Variants in MAPK8IP3 observed in about 807,000 individuals in gnomAD.
MAPK8IP3 encodes the protein mitogen-activated protein kinase 8 interacting protein 3.
A neutral mutation model predicts 157.8 loss-of-function variants in MAPK8IP3; 49 were observed. That is an observed-to-expected ratio of 0.31 (90% confidence interval 0.25 to 0.39). MAPK8IP3 has a LOEUF of 0.39. Ranked by LOEUF, MAPK8IP3 falls within the 10% of genes least tolerant of loss-of-function variation. The pLI, the probability that MAPK8IP3 is intolerant of heterozygous loss-of-function variation, is 1.00. For missense variants in MAPK8IP3, 1,478 were observed against 1,889.4 expected (o/e 0.78, Z 4.04); for synonymous variants, 897 against 777.7 (o/e 1.15, Z -2.55).
intron 4 of MAPK8IP3, among the ~76,000 whole-genome samples, chr16:1,731,550 A>C (rs979445217): frequency 6.6e-6 from 1 of 152,220 alleles, no homozygotes; most frequent in Admixed American, 6.5e-5. Flanking sequence ...GGTTAGTTCC[A>C]GGGGCTCCAA....
In MAPK8IP3 at chr16:1,706,976, G is replaced by A. The variant is rs1246406073; in HGVS notation, c.318+319G>A. Among the ~76,000 whole-genome samples, 12 of 145,414 alleles carry A rather than the reference G, an allele frequency of 8.3e-5. No homozygotes were observed. The highest frequency in any genetic ancestry group is 2.2e-4 in the South Asian group (1 of 4,606). Reference sequence around the variant, plus strand: ...CCCCCTCCTCCGTGCCCCCAGCCCTGAATCTTCAGCCCCAAACCCGATGTG... The same window carrying A: ...CCCCCTCCTCCGTGCCCCCAGCCCTAAATCTTCAGCCCCAAACCCGATGTG... On this transcript the variant is annotated intron_variant, in intron 1 of 31. Transcript: ENST00000610761. The surrounding 1 kb of genome is among the most constrained non-coding windows in gnomAD (Gnocchi z 5.1).
At chr16:1,728,285 A>G (rs1028638217) in intron 2 of MAPK8IP3, among the ~76,000 whole-genome samples, 4 of 152,188 alleles carry the variant, frequency 2.6e-5, no homozygotes, top group African/African-American at 9.7e-5. Flanking sequence ...CCCAGAAGGC[A>G]CATAGTCATG....
chr16:1,763,000 C>G lies in MAPK8IP3; in HGVS notation c.1892C>G (p.Pro631Arg). Residue 631 changes from proline to arginine, a missense_variant, in exon 16 of 32, where the codon CCT becomes CGT. By Grantham distance (103) the Pro-to-Arg change is moderately radical (BLOSUM62 -2). Coordinates refer to ENST00000610761, the MANE Select transcript of MAPK8IP3 (RefSeq NM_001318852.2). ...SAGSRPLEFF[P>R]DDDCTSSARR... is the part of the protein sequence containing the mutation. Reference sequence around the variant, plus strand: ...GGCAGCCGGCCCCTGGAATTCTTCCCTGACGAGTGAGTGTCCCGCAGCCCC... The same window carrying G: ...GGCAGCCGGCCCCTGGAATTCTTCCGTGACGAGTGAGTGTCCCGCAGCCCC... 6.2e-7 allele frequency: 1 copy of G among 1,612,806 alleles called. No individual in the cohort carries two copies. Among genetic ancestry groups the G allele is most frequent in the Non-Finnish European group, 8.5e-7 (1 of 1,179,948 alleles).
intron 1 of MAPK8IP3, among the ~76,000 whole-genome samples, chr16:1,718,747 C>T (rs997471009): frequency 5.3e-5 from 8 of 150,970 alleles, no homozygotes; most frequent in East Asian, 2.0e-4. Flanking sequence ...GAGCCAAGAT[C>T]GCACCACTGC....
rs9922177 is a variant in MAPK8IP3, at chr16:1,743,492, C to G, written c.747+16C>G. 1.2e-6 allele frequency: 2 copies of G among 1,606,576 alleles called. No individual in the cohort carries two copies. The highest frequency in any genetic ancestry group is 1.7e-6 in the Non-Finnish European group (2 of 1,178,374). ...CAGCTACCAGGTTTTGTAGCCGTGC[C>G]GTGGAGTGAGAGGCTCCTCCCTGTT... On this transcript the variant is annotated intron_variant, in intron 5 of 31. Transcript: ENST00000610761. The surrounding 1 kb of genome is among the most constrained non-coding windows in gnomAD (Gnocchi z 5.6).
chr16:1,743,738 T>G lies in MAPK8IP3; in HGVS notation c.747+262T>G. 7.4e-7 allele frequency: 1 copy of G among 1,360,426 alleles called. No individual in the cohort carries two copies. The highest frequency in any genetic ancestry group is 9.4e-7 in the Non-Finnish European group (1 of 1,063,448). 84.3% of individuals were successfully genotyped at this position (1,360,426 alleles called of 1,614,324 possible). The stretch of plus-strand genomic sequence containing the variant: ...CAGGCTAGACCTCCCTGCCCTTGGA[T>G]AGACCGCTCTGTAGCCAGGGGTGTA... On this transcript the variant is annotated intron_variant, in intron 5 of 31. Coordinates refer to ENST00000610761, the MANE Select transcript of MAPK8IP3 (RefSeq NM_001318852.2). This position sits in a 1 kb window ranked among gnomAD's most constrained non-coding sequence, Gnocchi z 5.6.
rs925569387 is a variant in MAPK8IP3 at position 1,751,124 on chromosome 16, C to T, written c.1216+2404C>T. Among the ~76,000 whole-genome samples, 6 of 152,128 alleles carry T rather than the reference C, an allele frequency of 3.9e-5. No individual in the cohort carries two copies. Among genetic ancestry groups the T allele is most frequent in the African/African-American group, 9.7e-5 (4 of 41,446 alleles). ...CGGCCACCGTCGGTCCTTACTGCAG[C>T]ATCAAGCCGCCCTCCTGCCAGTGTC... On this transcript the variant is annotated intron_variant, in intron 8 of 31. Coordinates refer to ENST00000610761, the MANE Select transcript of MAPK8IP3 (RefSeq NM_001318852.2). This position sits in a 1 kb window ranked among gnomAD's most constrained non-coding sequence, Gnocchi z 5.0.
intron 4 of MAPK8IP3, among the ~76,000 whole-genome samples, chr16:1,736,188 GTCCGTGTGAGCA>G (rs2039783865): frequency 1.6e-5 from 2 of 123,516 alleles, no homozygotes; most frequent in African/African-American, 3.1e-5. Flanking sequence ...GCGTGTGACC[GTCCGTGTGAGCA>G]TGTGTGACCA....
At chr16:1,752,750 TAAAA>T (rs79566771) in intron 8 of MAPK8IP3, among the ~76,000 whole-genome samples, 7 of 134,464 alleles carry the variant, frequency 5.2e-5, no homozygotes, top group Admixed American at 7.6e-5. Context: ...CCCTGTCTCT[TAAAA>T]AAAAAAAAAA....
At chr16:1,718,980 G>A (rs539670362) in intron 1 of MAPK8IP3, among the ~76,000 whole-genome samples, 2 of 152,260 alleles carry the variant, frequency 1.3e-5, no homozygotes, top group Admixed American at 1.3e-4. Context: ...GTGGCAGGAG[G>A]ATTGCTTGAG....
In MAPK8IP3 at chr16:1,743,407, G is replaced by C. The variant is rs747019224; in HGVS notation, c.678G>C (p.Lys226Asn). Residue 226 changes from lysine (K) to asparagine (N), a missense_variant, in exon 5 of 32, where the codon AAG becomes AAC. Physicochemically the swap from Lys to Asn is moderately conservative, Grantham distance 94 (BLOSUM62 0). Coordinates refer to ENST00000610761, the MANE Select transcript of MAPK8IP3 (RefSeq NM_001318852.2). This position sits in a 1 kb window ranked among gnomAD's most constrained non-coding sequence, Gnocchi z 5.6. ...CGGTACGTGCACAGATCGGGGGCAAGCTCGTGCCTGCGGGGGACCACTGGC... is the reference window on the plus strand; with the variant it reads ...CGGTACGTGCACAGATCGGGGGCAACCTCGTGCCTGCGGGGGACCACTGGC... ...DGTVRAQIGG[K>N]LVPAGDHWHL... The C allele has an allele frequency of 1.2e-5, 19 of 1,609,792 alleles. No homozygotes were observed. Among genetic ancestry groups the C allele is most frequent in the Non-Finnish European group, 1.6e-5 (19 of 1,178,504 alleles).
At position 1,706,746 on chromosome 16, in the gene MAPK8IP3, A is replaced by G; in HGVS notation, c.318+89A>G. 2.2e-6 allele frequency: 3 copies of G among 1,337,842 alleles called. No individual in the cohort carries two copies. The highest frequency in any genetic ancestry group is 2.9e-5 in the Admixed American group (1 of 34,056). 82.9% of individuals were successfully genotyped at this position (1,337,842 alleles called of 1,614,324 possible). ...GACCCAACACCCGTCCCGACCCCAG[A>G]CCCCGCTCCGGCACCCCGGACCGCG... On this transcript the variant is annotated intron_variant, in intron 1 of 31. Transcript: ENST00000610761. The surrounding 1 kb of genome is among the most constrained non-coding windows in gnomAD (Gnocchi z 5.1).
intron 4 of MAPK8IP3, among the ~76,000 whole-genome samples, chr16:1,738,266 C>T (rs866178852): frequency 2.2e-5 from 1 of 45,846 alleles, no homozygotes; most frequent in Non-Finnish European, 3.9e-5. Context: ...GAGCGTGTGA[C>T]CGTCCGTGTG....
rs114790427 is a variant in MAPK8IP3, at chr16:1,752,862, T to C, written c.1216+4142T>C. Among the ~76,000 whole-genome samples, 1,225 of 152,222 alleles carry C rather than the reference T, an allele frequency of 8.0e-3. 16 individuals are homozygous for C. Among genetic ancestry groups the C allele is most frequent in the African/African-American group, 0.027 (1,140 of 41,534 alleles). ...GGAAGGTTTTTGAAACAGAGGAGCCTGCTCTCTGGCAACCAGGATGGACAA... is the reference window on the plus strand; with the variant it reads ...GGAAGGTTTTTGAAACAGAGGAGCCCGCTCTCTGGCAACCAGGATGGACAA... On this transcript the variant is annotated intron_variant, in intron 8 of 31. Coordinates refer to ENST00000610761, the MANE Select transcript of MAPK8IP3 (RefSeq NM_001318852.2).
intron 1 of MAPK8IP3, chr16:1,707,592 C>G (rs191680740): frequency 5.3e-4 from 80 of 152,356 alleles, no homozygotes; most frequent in African/African-American, 1.9e-3. Flanking sequence ...ATACTGAGCT[C>G]GGCCTGCCTG....
chr16:1,711,530 A>G (rs2037768654), intron 1 of MAPK8IP3, among the ~76,000 whole-genome samples: 1 of 152,122 alleles, frequency 6.6e-6, no homozygotes, highest in South Asian at 2.1e-4. Flanking sequence ...CCAGGTTCCC[A>G]TTTATTACCA....
rs1398382533 is a variant in MAPK8IP3 at position 1,766,591 on chromosome 16, C to A, written c.2882C>A (p.Pro961His). 6.2e-7 allele frequency: 1 copy of A among 1,612,314 alleles called. No individual in the cohort carries two copies. The change falls in exon 23 of 32, where the codon CCC becomes CAC. Residue 961 changes from proline to histidine, a missense_variant. By Grantham distance (77) the Pro-to-His change is moderately conservative (BLOSUM62 -2). Transcript: ENST00000610761. ...TRPEPEPSGD[P>H]TGAGSSAAPT... Reference sequence around the variant, plus strand: ...CCAGAGCCAGAGCCCAGCGGGGACCCCACGGGAGCAGGCAGCAGTGCTGCA... The same window carrying A: ...CCAGAGCCAGAGCCCAGCGGGGACCACACGGGAGCAGGCAGCAGTGCTGCA...
chr16:1,737,564 G>A (rs1360934866), intron 4 of MAPK8IP3, among the ~76,000 whole-genome samples: 1 of 108,364 alleles, frequency 9.2e-6, no homozygotes, highest in Non-Finnish European at 1.9e-5. Flanking sequence ...CCATCCATGT[G>A]AGCATCTGTG....
In MAPK8IP3 at chr16:1,743,775, A is replaced by G. The variant is rs2040814922; in HGVS notation, c.747+299A>G. On this transcript the variant is annotated intron_variant, in intron 5 of 31. Transcript: ENST00000610761. The surrounding 1 kb of genome is among the most constrained non-coding windows in gnomAD (Gnocchi z 5.6). ...TAGCCAGGGGTGTACAGTGCCTGTC[A>G]GGGTTGAGCTTAGTGATCCTCTCTC... The G allele has an allele frequency of 1.5e-6, 2 of 1,291,916 alleles. No individual in the cohort carries two copies. The highest frequency in any genetic ancestry group is 2.0e-6 in the Non-Finnish European group (2 of 1,022,138). The allele number at this position is 1,291,916 out of a possible 1,614,324, so 80.0% of individuals were successfully genotyped here.
Sources: gnomAD v4.1 joint callset for allele counts (sites outside exome capture counted in the v4.1 genomes callset) on GRCh38, gnomAD v4.1.1 for gene constraint, Gnocchi (gnomAD v3.1) non-coding constraint, MANE v1.5 for transcripts, NCBI Gene and HGNC (gene_info 2026-07-23, HGNC 2026-07-21) for gene names.